DARS1: variants seen among roughly 807,000 people sequenced by gnomAD.
DARS1 encodes the protein aspartate--tRNA ligase, cytoplasmic.
Under a neutral mutation model 68.8 loss-of-function variants are expected in DARS1, and 51 were observed. The observed-to-expected ratio is 0.74, with a 90% confidence interval of 0.59 to 0.94. The LOEUF is 0.94. Ranked by LOEUF, DARS1 falls within the 40% of genes least tolerant of loss-of-function variation. The probability of loss-of-function intolerance (pLI) is 0.00; values close to 1 mark genes in which losing one functional copy is unlikely to be tolerated. For missense variants in DARS1, 607 were observed against 597.3 expected (o/e 1.02, Z -0.17); for synonymous variants, 203 against 190.4 (o/e 1.07, Z -0.55).
chr2:135,958,429 T>A (rs1434286887), intron 4 of DARS1, among the ~76,000 whole-genome samples: 1 of 152,204 alleles, frequency 6.6e-6, no homozygotes, highest in East Asian at 1.9e-4. Flanking sequence ...TTAACAATTT[T>A]TAGGAAAAGG....
In DARS1 at chr2:135,912,479, T is replaced by C. The variant is rs780425030; in HGVS notation, c.1230+7A>G. 1.7e-5 allele frequency: 16 copies of C among 955,736 alleles called. No homozygotes were observed. Among genetic ancestry groups the C allele is most frequent in the Non-Finnish European group, 2.5e-5 (15 of 603,460 alleles). 59.2% of individuals were successfully genotyped at this position (955,736 alleles called of 1,614,324 possible). A position where few individuals can be genotyped will look rare whatever the true frequency, so the allele number is the denominator to read the frequency against. ...CAAAATGGGTTACTTAAAACCAAAT[T>C]ACTTACGGGATTTCTTGGGTCAGGC... On this transcript the variant is annotated splice_region_variant and intron_variant, in intron 13 of 15. Transcript: ENST00000264161.
chr2:135,959,904 T>C (rs987271750), intron 4 of DARS1, among the ~76,000 whole-genome samples: 3 of 152,164 alleles, frequency 2.0e-5, no homozygotes, highest in Non-Finnish European at 2.9e-5. Context: ...CAAAAGTTGT[T>C]TGTTGATTTG....
chr2:135,973,685 T>C (rs938880613), intron 3 of DARS1, among the ~76,000 whole-genome samples: 1 of 151,586 alleles, frequency 6.6e-6, no homozygotes, highest in South Asian at 2.1e-4. Flanking sequence ...CAAAACCCCA[T>C]CTTTACAAAA....
chr2:135,922,932 A>C lies in DARS1; in HGVS notation c.677-14T>G. Reference sequence around the variant, plus strand: ...CTTCACTGGCAGCTGAAAGGTAAACATTTATATTTATATTATTATAATCAA... The same window carrying C: ...CTTCACTGGCAGCTGAAAGGTAAACCTTTATATTTATATTATTATAATCAA... On this transcript the variant is annotated splice_polypyrimidine_tract_variant and intron_variant, in intron 8 of 15. Coordinates refer to ENST00000264161, the MANE Select transcript of DARS1 (RefSeq NM_001349.4). The C allele has an allele frequency of 6.6e-7, 1 of 1,505,940 alleles. No individual in the cohort carries two copies. The highest frequency in any genetic ancestry group is 2.5e-5 in the East Asian group (1 of 40,574). 93.3% of individuals were successfully genotyped at this position (1,505,940 alleles called of 1,614,324 possible).
Position 135,941,767 on chromosome 2 carries a change from A to G in DARS1, c.423+1611T>C, listed in dbSNP as rs1479088430. Among the ~76,000 whole-genome samples, 6 of 152,150 alleles carry G rather than the reference A, an allele frequency of 3.9e-5. No homozygotes were observed. The South Asian group carries it at 1.2e-3, about 31-fold the overall frequency. The stretch of plus-strand genomic sequence containing the variant: ...ATTTTCACAACCTACTCATCTGACA[A>G]AGGGCTAATATTCAGAATCTACAAT... On this transcript the variant is annotated intron_variant, in intron 5 of 15. Coordinates refer to ENST00000264161, the MANE Select transcript of DARS1 (RefSeq NM_001349.4).
At chr2:135,937,854 A>G (rs1222300359) in intron 5 of DARS1, among the ~76,000 whole-genome samples, 1 of 152,224 alleles carries the variant, frequency 6.6e-6, no homozygotes, top group African/African-American at 2.4e-5. Context: ...TTCTGCCGAG[A>G]TATCAGCTGT....
At chr2:135,977,912 G>A (rs144967260) in intron 3 of DARS1, among the ~76,000 whole-genome samples, 3,451 of 152,066 alleles carry the variant, frequency 0.023, 103 homozygotes, top group African/African-American at 0.067. Flanking sequence ...GGAGGCCAAG[G>A]CGAGAGGATC....
In DARS1 at chr2:135,928,270, A is replaced by G. The variant is rs1006688248; in HGVS notation, c.565-3772T>C. 5.6e-4 allele frequency among the ~76,000 whole-genome samples: 85 copies of G among 152,218 alleles called. 2 individuals carry two copies. Among genetic ancestry groups the G allele is most frequent in the Non-Finnish European group, 1.5e-4 (10 of 68,032 alleles). The stretch of plus-strand genomic sequence containing the variant: ...TGGTTTATCAGGTTACAGAGATACT[A>G]CTGTGAAGCTGGACTAGGGGTCAGG... On this transcript the variant is annotated intron_variant, in intron 7 of 15. Transcript: ENST00000264161.
intron 4 of DARS1, among the ~76,000 whole-genome samples, chr2:135,957,350 C>G (rs1281752445): frequency 6.6e-6 from 1 of 152,096 alleles, no homozygotes; most frequent in Non-Finnish European, 1.5e-5. Flanking sequence ...GCCTCAGCCT[C>G]CCGAGTAGCT....
At chr2:135,948,877 C>CCA (rs1553446275) in intron 4 of DARS1, among the ~76,000 whole-genome samples, 8 of 132,192 alleles carry the variant, frequency 6.1e-5, no homozygotes, top group Admixed American at 5.9e-4. Flanking sequence ...CTCCCGTCTC[C>CCA]AAAAAAAAAA....
chr2:135,936,358 A>G (rs191800524), intron 5 of DARS1, among the ~76,000 whole-genome samples: 35 of 152,292 alleles, frequency 2.3e-4, no homozygotes, highest in African/African-American at 7.2e-4. Context: ...ATTTGCTTCT[A>G]GTAAAAAAAC....
chr2:135,913,126 GAT>G (rs1680931991), intron 12 of DARS1, among the ~76,000 whole-genome samples: 1 of 140,966 alleles, frequency 7.1e-6, no homozygotes, highest in South Asian at 2.3e-4. Flanking sequence ...AAACATCTTT[GAT>G]TTTTACTTTT....
chr2:135,970,995 T>G (rs1682356711), intron 3 of DARS1, among the ~76,000 whole-genome samples: 1 of 152,086 alleles, frequency 6.6e-6, no homozygotes, highest in Non-Finnish European at 1.5e-5. Context: ...CCTGATGGCT[T>G]TACTGCTGAA....
chr2:135,957,422 G>A (rs1403227588), intron 4 of DARS1, among the ~76,000 whole-genome samples: 3 of 151,948 alleles, frequency 2.0e-5, no homozygotes, highest in Non-Finnish European at 2.9e-5. Flanking sequence ...AGAGACGGGT[G>A]TTAGCCAGGA....
intron 4 of DARS1, among the ~76,000 whole-genome samples, chr2:135,947,181 G>A (rs975428162): frequency 6.6e-6 from 1 of 152,122 alleles, no homozygotes; most frequent in Non-Finnish European, 1.5e-5. Flanking sequence ...CGGGGTGGGT[G>A]GATGACCTGA....
chr2:135,934,265 TACCA>T, intron 5 of DARS1, among the ~76,000 whole-genome samples: 1 of 152,312 alleles, frequency 6.6e-6, no homozygotes, highest in Admixed American at 6.5e-5. Context: ...TTAAGATGCC[TACCA>T]ATGTAATAAG....
chr2:135,959,990 CT>C (rs1303105841), intron 4 of DARS1, among the ~76,000 whole-genome samples: 1 of 152,078 alleles, frequency 6.6e-6, no homozygotes, highest in Admixed American at 6.6e-5. Flanking sequence ...CCAGGACCAT[CT>C]TTTTTTCTTT....
At chr2:135,973,411 AAC>A (rs1354622568) in intron 3 of DARS1, among the ~76,000 whole-genome samples, 1 of 152,120 alleles carries the variant, frequency 6.6e-6, no homozygotes, top group African/African-American at 2.4e-5. Flanking sequence ...AAAGATAGTT[AAC>A]AGAGGCTGGG....
chr2:135,943,278 G>A, intron 5 of DARS1, 100 bp downstream of exon 5: 1 of 1,456,464 alleles, frequency 6.9e-7, no homozygotes, highest in Non-Finnish European at 9.2e-7. Context: ...ATAAACCTCA[G>A]TATTTTACAT....
Sources: gnomAD v4.1 joint callset for allele counts (sites outside exome capture counted in the v4.1 genomes callset) on GRCh38, gnomAD v4.1.1 for gene constraint, MANE v1.5 for transcripts, NCBI Gene and HGNC (gene_info 2026-07-23, HGNC 2026-07-21) for gene names.